PCNX2: variants seen among roughly 807,000 people sequenced by gnomAD.
PCNX2 encodes the protein pecanex 2, also known as pecanex-like protein 2.
A neutral mutation model predicts 223.8 loss-of-function variants in PCNX2; 168 were observed. The ratio of observed to expected loss-of-function variants is 0.75; its 90% CI spans 0.66 to 0.85. The LOEUF (loss-of-function observed/expected upper bound fraction) is 0.85. Among genes scored for constraint, PCNX2 ranks in the 40% least tolerant of loss-of-function variants. The probability of loss-of-function intolerance (pLI) is 0.00; values close to 1 mark genes in which losing one functional copy is unlikely to be tolerated. For synonymous variants in PCNX2, 1,006 were observed against 1,052.6 expected (o/e 0.96, Z 0.86); for missense variants, 2,507 against 2,675.5 (o/e 0.94, Z 1.39).
chr1:233,003,922 T>C (rs1374292187), intron 28 of PCNX2, among the ~76,000 whole-genome samples: 3 of 152,252 alleles, frequency 2.0e-5, no homozygotes, highest in East Asian at 1.9e-4. Flanking sequence ...AAACACTGCA[T>C]GTTCTCACTC....
intron 23 of PCNX2, among the ~76,000 whole-genome samples, chr1:233,068,436 CAA>C (rs900386248): frequency 2.8e-4 from 43 of 152,000 alleles, no homozygotes; most frequent in Non-Finnish European, 4.9e-4. Context: ...ACACAGTAAG[CAA>C]AAGTATGGGT....
intron 8 of PCNX2, among the ~76,000 whole-genome samples, chr1:233,241,851 T>A (rs964910915): frequency 6.6e-6 from 1 of 152,168 alleles, no homozygotes; most frequent in Admixed American, 6.5e-5. Flanking sequence ...ACATTCCTGT[T>A]CAGCTATTCC....
intron 15 of PCNX2, among the ~76,000 whole-genome samples, chr1:233,187,528 C>T (rs1366386977): frequency 6.6e-6 from 1 of 152,150 alleles, no homozygotes; most frequent in South Asian, 2.1e-4. Flanking sequence ...AGCATGCTCT[C>T]GGGGCTTACT....
intron 1 of PCNX2, among the ~76,000 whole-genome samples, chr1:233,264,387 T>C (rs977335756): frequency 6.6e-6 from 1 of 152,122 alleles, no homozygotes; most frequent in Non-Finnish European, 1.5e-5. Context: ...AACCTAAACA[T>C]AGCTAGGCTT....
chr1:233,282,992 T>C (rs1399600334), intron 1 of PCNX2, among the ~76,000 whole-genome samples: 1 of 151,408 alleles, frequency 6.6e-6, no homozygotes, highest in South Asian at 2.1e-4. Flanking sequence ...CATGTTACTC[T>C]GGCAGTACAT....
chr1:233,236,732 C>T (rs1658439509), intron 9 of PCNX2, 113 bp downstream of exon 9: 4 of 1,464,248 alleles, frequency 2.7e-6, no homozygotes, highest in Non-Finnish European at 2.8e-6. Context: ...ACCCGTGATG[C>T]AAAATTCAGG....
intron 25 of PCNX2, among the ~76,000 whole-genome samples, chr1:233,041,001 AG>A (rs1239128656): frequency 3.3e-5 from 5 of 152,164 alleles, no homozygotes; most frequent in African/African-American, 1.2e-4. Context: ...ACGATTCATT[AG>A]TCCTGTTTCT....
At chr1:233,177,708 C>T in intron 17 of PCNX2, 94 bp downstream of exon 17, 3 of 1,085,162 alleles carry the variant, frequency 2.8e-6, no homozygotes, top group Non-Finnish European at 4.1e-6. Context: ...CCTAGTCCTT[C>T]TCATGTCCAC....
intron 23 of PCNX2, among the ~76,000 whole-genome samples, chr1:233,076,573 CT>C (rs1269111211): frequency 6.6e-6 from 1 of 152,194 alleles, no homozygotes; most frequent in Non-Finnish European, 1.5e-5. Context: ...AGCAACGTTT[CT>C]TGCTCAGACG....
At chr1:233,017,795 T>G (rs1670737676) in intron 26 of PCNX2, among the ~76,000 whole-genome samples, 1 of 152,314 alleles carries the variant, frequency 6.6e-6, no homozygotes, top group East Asian at 1.9e-4. Flanking sequence ...AAGAACGTAA[T>G]GCTAACAGAA....
the PCNX2 span, among the ~76,000 whole-genome samples, chr1:233,321,718 C>T: frequency 4.6e-5 from 7 of 152,062 alleles, no homozygotes; most frequent in East Asian, 5.8e-4. Flanking sequence ...TAAATAAAAT[C>T]GGTATTTTTT....
At chr1:233,100,461 A>G (rs1367562650) in intron 21 of PCNX2, among the ~76,000 whole-genome samples, 1 of 151,230 alleles carries the variant, frequency 6.6e-6, no homozygotes, top group Non-Finnish European at 1.5e-5. Context: ...TGGAGTAATT[A>G]TGGCTGTTTC....
intron 21 of PCNX2, among the ~76,000 whole-genome samples, chr1:233,111,931 A>G (rs1571887766): frequency 1.3e-5 from 2 of 152,210 alleles, no homozygotes; most frequent in African/African-American, 4.8e-5. Context: ...CTTGGGTTCA[A>G]TGGAATTTTT....
At chr1:233,240,136 G>A (rs557564398) in intron 8 of PCNX2, among the ~76,000 whole-genome samples, 72 of 152,260 alleles carry the variant, frequency 4.7e-4, no homozygotes, top group Middle Eastern at 6.8e-3. Context: ...AAATGGAGAC[G>A]TTTCCCTTAT....
At chr1:233,255,445 C>T (rs1199932902) in intron 5 of PCNX2, among the ~76,000 whole-genome samples, 4 of 152,164 alleles carry the variant, frequency 2.6e-5, no homozygotes, top group South Asian at 2.1e-4. Flanking sequence ...AAGCGATGAC[C>T]GCTGACTCCC....
intron 25 of PCNX2, among the ~76,000 whole-genome samples, chr1:233,027,338 G>C (rs1221014614): frequency 6.6e-6 from 1 of 152,166 alleles, no homozygotes; most frequent in African/African-American, 2.4e-5. Context: ...AAAAAGCAGA[G>C]ACGGTGAATG....
intron 4 of PCNX2, among the ~76,000 whole-genome samples, chr1:233,259,665 T>C (rs1391896617): frequency 6.6e-6 from 1 of 152,096 alleles, no homozygotes; most frequent in African/African-American, 2.4e-5. Flanking sequence ...GATGTTCCCC[T>C]CCCTGTGTCC....
intron 32 of PCNX2, among the ~76,000 whole-genome samples, chr1:232,992,168 C>G (rs1438319987): frequency 1.3e-5 from 2 of 152,326 alleles, no homozygotes; most frequent in Non-Finnish European, 2.9e-5. Flanking sequence ...TGACCCTCTG[C>G]TGGGGATAAA....
intron 17 of PCNX2, among the ~76,000 whole-genome samples, chr1:233,173,309 G>A (rs1346161058): frequency 6.6e-6 from 1 of 152,140 alleles, no homozygotes; most frequent in Non-Finnish European, 1.5e-5. Context: ...TGAGACTAGA[G>A]GCATGTGCCA....
Sources: gnomAD v4.1 joint callset for allele counts (sites outside exome capture counted in the v4.1 genomes callset) on GRCh38, gnomAD v4.1.1 for gene constraint, MANE v1.5 for transcripts, NCBI Gene and HGNC (gene_info 2026-07-23, HGNC 2026-07-21) for gene names.